The following ERBIN variants were observed in gnomAD, a reference collection of about 807,000 sequenced individuals.
ERBIN encodes the protein densin-180-like protein.
In ERBIN, 60 loss-of-function variants were observed where a neutral mutation model predicts 158.4. That is an observed-to-expected ratio of 0.38 (90% CI 0.31 to 0.47). ERBIN has a LOEUF of 0.47. Ranked by LOEUF, ERBIN falls within the 20% of genes least tolerant of loss-of-function variation. The pLI is 0.99. For synonymous variants in ERBIN, 594 were observed against 557.2 expected, an observed-to-expected ratio of 1.07 and a Z score of -0.93; for missense variants, 1,610 against 1,648.0, an observed-to-expected ratio of 0.98 and a Z score of 0.40.
Position 65,939,512 on chromosome 5 carries a change from C to T in ERBIN, c.-58+12706C>T, listed in dbSNP as rs540797874. On this transcript the variant is annotated intron_variant, in intron 1 of 25. Transcript: ENST00000284037. ...CAAGAGAGGTGCCTCCGCTCTCCCT[C>T]TCCCTCTCCCTTTCCCTCTCCCCCC... is the stretch of plus-strand genomic sequence containing the variant. 9.7e-4 allele frequency among the ~76,000 whole-genome samples: 136 copies of T among 140,776 alleles called. No individual in the cohort carries two copies. In the South Asian group the frequency reaches 0.028, roughly 29 times the overall value. 92.4% of individuals were successfully genotyped at this position (140,776 alleles called of 152,430 possible).
At chr5:66,064,636 C>T (rs1210087611) in intron 21 of ERBIN, among the ~76,000 whole-genome samples, 1 of 152,120 alleles carries the variant, frequency 6.6e-6, no homozygotes, top group Non-Finnish European at 1.5e-5. Flanking sequence ...TTTAGGATAT[C>T]TTAGGCAAAA....
At chr5:66,021,160 T>G (rs1433551791) in intron 7 of ERBIN, among the ~76,000 whole-genome samples, 162 bp from the exon 8 acceptor site, 1 of 92,972 alleles carries the variant, frequency 1.1e-5, no homozygotes. Context: ...TATCTAGAAA[T>G]CTGACTTTTA....
intron 1 of ERBIN, among the ~76,000 whole-genome samples, chr5:65,971,715 G>A (rs774071485): frequency 1.3e-5 from 2 of 152,058 alleles, no homozygotes; most frequent in African/African-American, 2.4e-5. Context: ...GGTAGAAGGC[G>A]GCAGCTCCAT....
At position 65,949,758 on chromosome 5, in the gene ERBIN, A is replaced by C. The variant is rs1263757186; in HGVS notation, c.-58+22952A>C. 4.6e-5 allele frequency among the ~76,000 whole-genome samples: 7 copies of C among 152,204 alleles called. 1 individual carries two copies. On this transcript the variant is annotated intron_variant, in intron 1 of 25. Transcript: ENST00000284037. ...TACAGAGTTTAATTGAATTTCATCA[A>C]GTTTTCCACAAATGTCCTCTTGCTA...
intron 20 of ERBIN, among the ~76,000 whole-genome samples, chr5:66,052,293 G>A (rs1759121364): frequency 6.6e-6 from 1 of 151,790 alleles, no homozygotes; most frequent in African/African-American, 2.4e-5. Flanking sequence ...TAAATTTCAG[G>A]CATATTTAAG....
chr5:66,030,131 C>T (rs1050952188), intron 14 of ERBIN, among the ~76,000 whole-genome samples: 6 of 151,782 alleles, frequency 4.0e-5, no homozygotes, highest in Non-Finnish European at 7.4e-5. Context: ...TCTGTGCCCC[C>T]GGGCTCAAGC....
At chr5:65,941,938 C>T (rs1745102755) in intron 1 of ERBIN, among the ~76,000 whole-genome samples, 1 of 152,144 alleles carries the variant, frequency 6.6e-6, no homozygotes, top group African/African-American at 2.4e-5. Flanking sequence ...GATGGGGTTT[C>T]ACCATGTTAG....
In ERBIN at chr5:66,038,366, T is replaced by C; in HGVS notation, c.1207-17T>C. On this transcript the variant is annotated splice_polypyrimidine_tract_variant and intron_variant, in intron 14 of 25. Coordinates refer to ENST00000284037, the MANE Select transcript of ERBIN (RefSeq NM_001253697.2). ...TTTAGGGTTATTGAAAATTAAGCAT[T>C]TATTTTCCTTCTCTAGTCCAAACCC... The C allele has an allele frequency of 1.3e-6, 2 of 1,556,038 alleles. No individual in the cohort carries two copies. Among genetic ancestry groups the C allele is most frequent in the Non-Finnish European group, 1.8e-6 (2 of 1,135,488 alleles).
intron 1 of ERBIN, among the ~76,000 whole-genome samples, chr5:65,969,710 C>T (rs1423427242): frequency 1.3e-5 from 2 of 152,104 alleles, no homozygotes; most frequent in Non-Finnish European, 2.9e-5. Context: ...TGCATTGACA[C>T]AGCTTGATTT....
chr5:66,078,141 A>G (rs1448781837), intron 25 of ERBIN, among the ~76,000 whole-genome samples: 2 of 152,198 alleles, frequency 1.3e-5, no homozygotes, highest in African/African-American at 4.8e-5. Context: ...TCAGATACAC[A>G]TTAGCATTAT....
chr5:65,965,039 C>G (rs184367380), intron 1 of ERBIN, among the ~76,000 whole-genome samples: 10 of 151,076 alleles, frequency 6.6e-5, no homozygotes, highest in South Asian at 2.1e-4. Flanking sequence ...GATCCTCCCC[C>G]CTCAGCCTCC....
At chr5:65,976,757 G>C (rs996374465) in intron 1 of ERBIN, among the ~76,000 whole-genome samples, 1 of 151,554 alleles carries the variant, frequency 6.6e-6, no homozygotes, top group African/African-American at 2.4e-5. Flanking sequence ...GTTTAACAAA[G>C]CACATCTTGC....
intron 1 of ERBIN, among the ~76,000 whole-genome samples, chr5:65,959,026 T>C (rs754708158): frequency 6.6e-6 from 1 of 152,232 alleles, no homozygotes; most frequent in Non-Finnish European, 1.5e-5. Context: ...CTGTACTTTT[T>C]CTAAGGGTAA....
In ERBIN at chr5:66,081,796, CTGTT is replaced by C. The variant is rs1475131047; in HGVS notation, c.*3268_*3271del. On this transcript the variant is annotated 3_prime_UTR_variant, in exon 26 of 26. Transcript: ENST00000284037. Reference sequence around the variant, plus strand: ...CAGTCTGTTGCATTCTTACAGCCTTCTGTTTTAATGTTCAGTGAATAGGTTTCTT... The same window carrying C: ...CAGTCTGTTGCATTCTTACAGCCTTCTTAATGTTCAGTGAATAGGTTTCTT... 1 of 151,362 alleles carries C rather than the reference CTGTT, an allele frequency of 6.6e-6. No individual in the cohort carries two copies. Among genetic ancestry groups the C allele is most frequent in the Admixed American group, 6.6e-5 (1 of 15,190 alleles). 9.4% of individuals were successfully genotyped at this position (151,362 alleles called of 1,614,324 possible).
intron 21 of ERBIN, among the ~76,000 whole-genome samples, chr5:66,058,556 A>G (rs1271313669): frequency 6.6e-6 from 1 of 150,452 alleles, no homozygotes; most frequent in Non-Finnish European, 1.5e-5. Context: ...CCCATTTGTC[A>G]ATTTTGGCTT....
intron 1 of ERBIN, among the ~76,000 whole-genome samples, chr5:65,958,030 G>GCC (rs1747432920): frequency 6.6e-6 from 1 of 151,756 alleles, no homozygotes; most frequent in Non-Finnish European, 1.5e-5. Flanking sequence ...CGGGGTGGCG[G>GCC]GGCAGAGGCG....
At position 65,965,382 on chromosome 5, in the gene ERBIN, G is replaced by GTTTTTTTTT. The variant is rs200847060; in HGVS notation, c.-57-23220_-57-23212dup. Among the ~76,000 whole-genome samples the GTTTTTTTTT allele has an allele frequency of 6.5e-4, 62 of 96,054 alleles. 2 individuals are homozygous for GTTTTTTTTT. The highest frequency in any genetic ancestry group is 1.8e-3 in the East Asian group (5 of 2,816). The allele number at this position is 96,054 out of a possible 152,430, so 63.0% of individuals were successfully genotyped here. ...GTTCTTACCAGATTTGTTTTTTGTTGTTTTTTTTTTTTTTTTTTTTTTTTT... is the reference window on the plus strand; with the variant it reads ...GTTCTTACCAGATTTGTTTTTTGTTGTTTTTTTTTTTTTTTTTTTTTTTTTTTTTTTTTT... On this transcript the variant is annotated intron_variant, in intron 1 of 25. Transcript: ENST00000284037.
chr5:65,954,831 C>T (rs1580141640), intron 1 of ERBIN, among the ~76,000 whole-genome samples: 2 of 151,678 alleles, frequency 1.3e-5, no homozygotes, highest in South Asian at 2.1e-4. Context: ...TTTGGGAGGC[C>T]GAGGTGGGGG....
chr5:66,034,872 G>T (rs1009748395), intron 14 of ERBIN, among the ~76,000 whole-genome samples: 1 of 152,166 alleles, frequency 6.6e-6, no homozygotes, highest in Non-Finnish European at 1.5e-5. Context: ...GTCTTGGTTT[G>T]TGGCAAGAAA....
Sources: gnomAD v4.1 joint callset for allele counts (sites outside exome capture counted in the v4.1 genomes callset) on GRCh38, gnomAD v4.1.1 for gene constraint, MANE v1.5 for transcripts, NCBI Gene and HGNC (gene_info 2026-07-23, HGNC 2026-07-21) for gene names.